Variants in LAMB1 observed in about 807,000 individuals in gnomAD.
The protein encoded by LAMB1 is laminin subunit beta-1.
A neutral mutation model predicts 222.3 loss-of-function variants in LAMB1; 121 were observed. The ratio of observed to expected loss-of-function variants is 0.54; its 90% CI spans 0.47 to 0.63. The LOEUF is 0.63. Among genes scored for constraint, LAMB1 ranks in the 30% least tolerant of loss-of-function variants. The pLI is 0.00. For synonymous variants in LAMB1, 794 were observed against 807.2 expected (o/e 0.98, Z 0.28); for missense variants, 2,172 against 2,240.8 (o/e 0.97, Z 0.62).
chr7:108,001,785 C>G (rs1382827407), intron 2 of LAMB1, 52 bp from the exon 3 acceptor site: 1 of 1,596,056 alleles, frequency 6.3e-7, no homozygotes, highest in Non-Finnish European at 8.5e-7. Context: ...GGGAGTGGAG[C>G]CCGAAAAAAA....
chr7:107,950,980 A>C (rs2033232896), intron 24 of LAMB1: 3 of 405,032 alleles, frequency 7.4e-6, no homozygotes, highest in Non-Finnish European at 1.4e-5. Flanking sequence ...ACAGAAACAA[A>C]CTTTACCCCA....
chr7:107,923,879 A>G lies in LAMB1; in HGVS notation c.*72T>C. ...TTAAATAGGTGATGTTTTATTTTGAAGAGCATTAAGTCAGTTTTTAAAATG... is the reference window on the plus strand; with the variant it reads ...TTAAATAGGTGATGTTTTATTTTGAGGAGCATTAAGTCAGTTTTTAAAATG... On this transcript the variant is annotated 3_prime_UTR_variant, in exon 34 of 34. Transcript: ENST00000222399. The G allele has an allele frequency of 2.2e-6, 3 of 1,334,262 alleles. No individual in the cohort carries two copies. Among genetic ancestry groups the G allele is most frequent in the East Asian group, 4.8e-5 (2 of 41,504 alleles). 82.7% of individuals were successfully genotyped at this position (1,334,262 alleles called of 1,614,324 possible). A position where few individuals can be genotyped will look rare whatever the true frequency, so the allele number is the denominator to read the frequency against.
chr7:107,931,726 A>G (rs1451930896), intron 28 of LAMB1: 1 of 535,868 alleles, frequency 1.9e-6, no homozygotes, highest in African/African-American at 1.9e-5. Context: ...TAGCATTTAA[A>G]ATTTTTCAAG....
In LAMB1 at chr7:107,929,534, C is replaced by G. The variant is rs749364604; in HGVS notation, c.4623G>C (p.Gln1541His). The G allele has an allele frequency of 6.2e-7, 1 of 1,614,104 alleles. No homozygotes were observed. The highest frequency in any genetic ancestry group is 1.1e-5 in the South Asian group (1 of 91,078). The change falls in exon 30 of 34, where the codon CAG becomes CAC. Residue 1541 changes from glutamine to histidine, a missense_variant. Transcript: ENST00000222399. ...GTTCACGTATATCTTCTGTCAAGTT[C>G]TGTAACTGCTGTGGGGTGCTAGGCA... ...MEMPSTPQQL[Q>H]NLTEDIRERV...
chr7:107,932,621 A>G, intron 27 of LAMB1: 1 of 561,628 alleles, frequency 1.8e-6, no homozygotes, highest in Non-Finnish European at 3.2e-6. Flanking sequence ...CAAATGAGTT[A>G]AAATACTATA....
At chr7:107,992,014 A>G (rs2034193713) in intron 5 of LAMB1, among the ~76,000 whole-genome samples, 1 of 151,774 alleles carries the variant, frequency 6.6e-6, no homozygotes, top group South Asian at 2.1e-4. Flanking sequence ...CTTTGCATCT[A>G]ATCTGCTTTT....
Position 107,960,529 on chromosome 7 carries a change from T to C in LAMB1, c.2230A>G (p.Arg744Gly). 6.2e-7 allele frequency: 1 copy of C among 1,614,234 alleles called. No homozygotes were observed. Residue 744 changes from arginine (R) to glycine (G), a missense_variant, in exon 18 of 34, where the codon AGA (arginine) becomes GGA (glycine). Physicochemically the swap from Arg to Gly is moderately radical, Grantham distance 125. Transcript: ENST00000222399. The part of the protein sequence containing the change: ...FQRYRCLENS[R>G]SVVKTPMTDV... ...GTCATCGGTGTTTTCACAACGCTTC[T>C]GCTGTTCTCTAGACATCGGTATCTC... is the stretch of plus-strand genomic sequence containing the variant.
chr7:107,975,411 A>C lies in LAMB1; in HGVS notation c.1192T>G (p.Cys398Gly). ...TGAGAGCCAGCTGGGTCACACGTAC[A>C]TCCTGAGAAGAATGCAAAGCACCAG... ...DIRDPNFCERCTCDPAGSQNE... is the reference protein window; with the variant it reads ...DIRDPNFCERGTCDPAGSQNE... The change falls in exon 11 of 34, where the codon TGT becomes GGT. Residue 398 changes from cysteine to glycine, a missense_variant and splice_region_variant. Transcript: ENST00000222399. The C allele has an allele frequency of 1.2e-6, 2 of 1,607,204 alleles. No homozygotes were observed. The highest frequency in any genetic ancestry group is 1.7e-6 in the Non-Finnish European group (2 of 1,177,194).
At chr7:107,965,465 G>C (rs2033614019) in intron 13 of LAMB1, among the ~76,000 whole-genome samples, 1 of 152,144 alleles carries the variant, frequency 6.6e-6, no homozygotes, top group Non-Finnish European at 1.5e-5. Context: ...TGTAATCCCA[G>C]ATACTTGGGA....
At chr7:107,949,062 G>A (rs1246015861) in intron 24 of LAMB1, among the ~76,000 whole-genome samples, 1 of 152,188 alleles carries the variant, frequency 6.6e-6, no homozygotes, top group East Asian at 1.9e-4. Flanking sequence ...TACGTAATGA[G>A]CTGACCTTTC....
intron 4 of LAMB1, among the ~76,000 whole-genome samples, chr7:107,995,719 T>C (rs978865681): frequency 6.6e-6 from 1 of 152,262 alleles, no homozygotes; most frequent in East Asian, 1.9e-4. Context: ...AAGCACCTCC[T>C]CCCCAGTCCC....
chr7:107,966,567 A>G (rs1185921964), intron 13 of LAMB1, among the ~76,000 whole-genome samples: 3 of 152,190 alleles, frequency 2.0e-5, no homozygotes, highest in Non-Finnish European at 2.9e-5. Flanking sequence ...GCTTGTTCCA[A>G]TTAGGACCTA....
Position 107,963,025 on chromosome 7 carries a change from C to CCG in LAMB1, c.1735_1736dup (p.Ile580GlyfsTer35). On this transcript the variant is annotated frameshift_variant, in exon 15 of 34. Transcript: ENST00000222399. LOFTEE classifies it high-confidence loss of function. ...AGCCGGCTCCAGTCCAGGAGGGAATCCGGTCCTGGATATATTGCCGCTCCA... is the reference window on the plus strand; with the variant it reads ...AGCCGGCTCCAGTCCAGGAGGGAATCCGCGGTCCTGGATATATTGCCGCTCCA... 1 of 1,613,994 alleles carries CCG rather than the reference C, an allele frequency of 6.2e-7. No individual in the cohort carries two copies. Among genetic ancestry groups the CCG allele is most frequent in the Non-Finnish European group, 8.5e-7 (1 of 1,179,898 alleles).
At chr7:107,947,015 A>T (rs1239431118) in intron 24 of LAMB1, among the ~76,000 whole-genome samples, 1 of 152,124 alleles carries the variant, frequency 6.6e-6, no homozygotes, top group Non-Finnish European at 1.5e-5. Context: ...GAATCAACAG[A>T]AAGATTCCTC....
rs1459532321 is a variant in LAMB1, at chr7:107,960,545, TCGGTATCTCTGA to T, written c.2202_2213del (p.Phe734_Arg738delinsLeu). ...CAACGCTTCTGCTGTTCTCTAGACA[TCGGTATCTCTGA>T]AAGGTTTCCCAGGCACTGTTGGTGA... On this transcript the variant is annotated inframe_deletion, in exon 18 of 34. Transcript: ENST00000222399. The T allele has an allele frequency of 6.2e-7, 1 of 1,614,156 alleles. No individual in the cohort carries two copies. The highest frequency in any genetic ancestry group is 8.5e-7 in the Non-Finnish European group (1 of 1,179,962).
At chr7:107,972,357 G>C (rs921428690) in intron 13 of LAMB1, among the ~76,000 whole-genome samples, 4 of 152,184 alleles carry the variant, frequency 2.6e-5, no homozygotes, top group African/African-American at 9.7e-5. Context: ...TATTCTCTCA[G>C]CAGTCACTTA....
intron 20 of LAMB1, among the ~76,000 whole-genome samples, chr7:107,956,428 G>A (rs2033377649): frequency 6.6e-6 from 1 of 152,204 alleles, no homozygotes; most frequent in Non-Finnish European, 1.5e-5. Flanking sequence ...TGATGCTGCT[G>A]ATCTAGGGAT....
At position 107,929,415 on chromosome 7, in the gene LAMB1, G is replaced by A; in HGVS notation, c.4742C>T (p.Ala1581Val). ...TAGATGCCATGTCTTTAGATACCTT[G>A]CTCTTTTAGCTTCTTCTAACAACAT... is the stretch of plus-strand genomic sequence containing the variant. Reference protein sequence around the residue: ...AEMLLEEAKRASKSATDVKVT... With the variant: ...AEMLLEEAKRVSKSATDVKVT... The change falls in exon 30 of 34, where the codon GCA becomes GTA. Residue 1581 changes from alanine to valine, a missense_variant. Transcript: ENST00000222399. The A allele has an allele frequency of 6.2e-7, 1 of 1,612,880 alleles. No individual in the cohort carries two copies. Among genetic ancestry groups the A allele is most frequent in the Non-Finnish European group, 8.5e-7 (1 of 1,178,992 alleles).
At chr7:107,970,708 T>C (rs977838560) in intron 13 of LAMB1, among the ~76,000 whole-genome samples, 2 of 151,908 alleles carry the variant, frequency 1.3e-5, no homozygotes, top group Non-Finnish European at 2.9e-5. Flanking sequence ...TTCAGTTAGA[T>C]TATTTAAATT....
Sources: gnomAD v4.1 joint callset for allele counts (sites outside exome capture counted in the v4.1 genomes callset) on GRCh38, gnomAD v4.1.1 for gene constraint, MANE v1.5 for transcripts, NCBI Gene and HGNC (gene_info 2026-07-23, HGNC 2026-07-21) for gene names.